The following PCSK2 variants were observed in gnomAD, a reference collection of about 807,000 sequenced individuals.
PCSK2 encodes the protein proprotein convertase subtilisin/kexin type 2, also known as neuroendocrine convertase 2.
Under a neutral mutation model 69.7 loss-of-function variants are expected in PCSK2, and 14 were observed. The ratio of observed to expected loss-of-function variants is 0.20; its 90% CI spans 0.13 to 0.31. The LOEUF (loss-of-function observed/expected upper bound fraction) is 0.31, where lower values mean the gene tolerates loss of function less well. Ranked by LOEUF, PCSK2 falls within the 10% of genes least tolerant of loss-of-function variation. PCSK2 has a pLI of 1.00. For missense variants in PCSK2, 544 were observed against 842.5 expected, an observed-to-expected ratio of 0.65 and a Z score of 4.39; for synonymous variants, 307 against 320.7, an observed-to-expected ratio of 0.96 and a Z score of 0.46.
intron 2 of PCSK2, among the ~76,000 whole-genome samples, chr20:17,315,107 C>A (rs1989638269): frequency 6.6e-6 from 1 of 152,124 alleles, no homozygotes. Flanking sequence ...CTGCGGATTC[C>A]TCCAGCCCAA....
At chr20:17,420,006 C>T (rs2032087697) in intron 6 of PCSK2, among the ~76,000 whole-genome samples, 1 of 152,140 alleles carries the variant, frequency 6.6e-6, no homozygotes, top group Admixed American at 6.5e-5. Context: ...ATTACTCAAG[C>T]AAACAAAATG....
intron 5 of PCSK2, among the ~76,000 whole-genome samples, chr20:17,408,167 GC>G (rs1362486710): frequency 6.6e-6 from 1 of 151,970 alleles, no homozygotes; most frequent in East Asian, 1.9e-4. Flanking sequence ...GTGTTTCCTG[GC>G]CCAGTGTATA....
chr20:17,441,911 C>T (rs2032605495), intron 8 of PCSK2, among the ~76,000 whole-genome samples: 1 of 151,478 alleles, frequency 6.6e-6, no homozygotes, highest in Admixed American at 6.6e-5. Context: ...CATAATGTGA[C>T]CTTATTTGGA....
chr20:17,234,309 G>T (rs1385485015), intron 1 of PCSK2, among the ~76,000 whole-genome samples: 1 of 152,140 alleles, frequency 6.6e-6, no homozygotes, highest in Non-Finnish European at 1.5e-5. Context: ...TCTTCCTGCT[G>T]GCAACCAACG....
At chr20:17,413,867 G>T (rs1440063656) in intron 6 of PCSK2, among the ~76,000 whole-genome samples, 3 of 152,174 alleles carry the variant, frequency 2.0e-5, no homozygotes, top group Non-Finnish European at 4.4e-5. Context: ...TAGAACTCAG[G>T]ATTAAGAAAC....
intron 2 of PCSK2, among the ~76,000 whole-genome samples, chr20:17,318,667 A>G (rs1258051697): frequency 6.6e-6 from 1 of 152,206 alleles, no homozygotes; most frequent in Non-Finnish European, 1.5e-5. Flanking sequence ...TTTCATCTCC[A>G]CGGGGCATTC....
At chr20:17,368,079 A>G (rs1469589519) in intron 4 of PCSK2, among the ~76,000 whole-genome samples, 1 of 152,186 alleles carries the variant, frequency 6.6e-6, no homozygotes, top group Non-Finnish European at 1.5e-5. Context: ...CGGAAAAAAA[A>G]AGAAAAATTT....
At chr20:17,377,307 C>T (rs780398894) in intron 5 of PCSK2, among the ~76,000 whole-genome samples, 1 of 152,186 alleles carries the variant, frequency 6.6e-6, no homozygotes, top group Non-Finnish European at 1.5e-5. Flanking sequence ...AAGGCCCACC[C>T]CTACATTCCT....
intron 2 of PCSK2, among the ~76,000 whole-genome samples, chr20:17,350,872 A>ATC (rs2029962097): frequency 6.6e-6 from 1 of 151,846 alleles, no homozygotes; most frequent in African/African-American, 2.4e-5. Context: ...GTGAAACCCC[A>ATC]TCTCTATTAA....
chr20:17,374,654 A>T (rs1226412939), intron 5 of PCSK2, among the ~76,000 whole-genome samples: 1 of 152,060 alleles, frequency 6.6e-6, no homozygotes, highest in Non-Finnish European at 1.5e-5. Flanking sequence ...CCAGAAAGGG[A>T]GAGTGGCCCA....
At chr20:17,351,038 TAAAA>T (rs11471979) in intron 2 of PCSK2, among the ~76,000 whole-genome samples, 3 of 134,166 alleles carry the variant, frequency 2.2e-5, no homozygotes, top group South Asian at 2.4e-4. Flanking sequence ...AGACTTCATC[TAAAA>T]AAAAAAAAAA....
chr20:17,433,863 TCTCTCTCTTCCTCC>T (rs2032424933), intron 7 of PCSK2, among the ~76,000 whole-genome samples: 1 of 80,018 alleles, frequency 1.2e-5, no homozygotes, highest in Non-Finnish European at 2.3e-5. Context: ...CCTCTCTCCC[TCTCTCTCTTCCTCC>T]CCTCCTCCTC....
intron 2 of PCSK2, among the ~76,000 whole-genome samples, chr20:17,288,448 G>T (rs1236665588): frequency 2.0e-5 from 3 of 152,184 alleles, no homozygotes; most frequent in African/African-American, 7.2e-5. Flanking sequence ...ATGACAGTGA[G>T]TCCCTACTCA....
intron 2 of PCSK2, among the ~76,000 whole-genome samples, chr20:17,355,480 G>A (rs1471669026): frequency 1.3e-5 from 2 of 152,162 alleles, no homozygotes; most frequent in African/African-American, 4.8e-5. Flanking sequence ...AAGAGGCAAT[G>A]GCCAAAGTGA....
At chr20:17,426,781 C>T (rs2123333023) in intron 6 of PCSK2, among the ~76,000 whole-genome samples, 1 of 152,342 alleles carries the variant, frequency 6.6e-6, no homozygotes, top group Middle Eastern at 3.4e-3. Context: ...TCTATTTAAA[C>T]CTTCAAGTGA....
chr20:17,405,218 C>A (rs2031726742), intron 5 of PCSK2, among the ~76,000 whole-genome samples: 1 of 152,188 alleles, frequency 6.6e-6, no homozygotes, highest in South Asian at 2.1e-4. Flanking sequence ...CAAAAACAGC[C>A]TCATTTCAAA....
chr20:17,396,270 C>T (rs552036726), intron 5 of PCSK2, among the ~76,000 whole-genome samples: 33 of 152,320 alleles, frequency 2.2e-4, no homozygotes, highest in African/African-American at 7.2e-4. Context: ...CTCCAAGAAT[C>T]AGGCTTCAAT....
At chr20:17,266,855 A>T (rs1028460450) in intron 2 of PCSK2, among the ~76,000 whole-genome samples, 1 of 152,118 alleles carries the variant, frequency 6.6e-6, no homozygotes, top group African/African-American at 2.4e-5. Context: ...TCTTAGGTAA[A>T]TCACGTCCTG....
At chr20:17,247,870 G>A (rs1210552981) in intron 1 of PCSK2, among the ~76,000 whole-genome samples, 1 of 152,182 alleles carries the variant, frequency 6.6e-6, no homozygotes, top group Non-Finnish European at 1.5e-5. Context: ...CTACTGCTGG[G>A]AAAATGGAGT....
Sources: allele counts gnomAD v4.1 joint callset (sites outside exome capture counted in the v4.1 genomes callset), GRCh38; gene constraint gnomAD v4.1.1; transcripts MANE v1.5; gene names NCBI Gene and HGNC (gene_info 2026-07-23, HGNC 2026-07-21).